The following NBEA variants were observed in gnomAD, a reference collection of about 807,000 sequenced individuals.
NBEA encodes the protein neurobeachin.
NBEA carries 44 observed loss-of-function variants against 343.4 expected under a neutral mutation model. That is an observed-to-expected ratio of 0.13 (90% confidence interval 0.10 to 0.16). The LOEUF (loss-of-function observed/expected upper bound fraction) is 0.16. Ranked by LOEUF, NBEA falls within the 10% of genes least tolerant of loss-of-function variation. The pLI, the probability that NBEA is intolerant of heterozygous loss-of-function variation, is 1.00. For missense variants in NBEA, 2,555 were observed against 3,631.3 expected (o/e 0.70, Z 7.62); for synonymous variants, 1,175 against 1,238.7 (o/e 0.95, Z 1.08).
intron 1 of NBEA, among the ~76,000 whole-genome samples, chr13:34,985,346 G>A (rs914865782): frequency 6.6e-6 from 1 of 151,050 alleles, no homozygotes; most frequent in Non-Finnish European, 1.5e-5. Flanking sequence ...TATGTTTATT[G>A]ATTTGCATAT....
chr13:35,608,720 G>T (rs2082385855), intron 48 of NBEA, among the ~76,000 whole-genome samples: 1 of 152,212 alleles, frequency 6.6e-6, no homozygotes, highest in Non-Finnish European at 1.5e-5. Flanking sequence ...GTAGCCAATA[G>T]TTGTTGGACC....
intron 38 of NBEA, among the ~76,000 whole-genome samples, chr13:35,413,663 T>C (rs9600709): frequency 0.024 from 3,664 of 152,240 alleles, 148 homozygotes; most frequent in African/African-American, 0.08. Flanking sequence ...AACATCATTA[T>C]ATCAATAGTA....
chr13:35,270,024 A>G (rs1457041933), intron 34 of NBEA, among the ~76,000 whole-genome samples: 1 of 152,176 alleles, frequency 6.6e-6, no homozygotes, highest in East Asian at 1.9e-4. Flanking sequence ...TTCAGTTATT[A>G]CTTGATTTTG....
At chr13:35,130,769 G>T (rs2152685073) in intron 17 of NBEA, among the ~76,000 whole-genome samples, 1 of 151,806 alleles carries the variant, frequency 6.6e-6, no homozygotes, top group South Asian at 2.1e-4. Flanking sequence ...GTAGGCTCAA[G>T]AAATTTAAAC....
At chr13:35,545,748 T>C (rs554879318) in intron 41 of NBEA, among the ~76,000 whole-genome samples, 1 of 152,260 alleles carries the variant, frequency 6.6e-6, no homozygotes, top group Admixed American at 6.5e-5. Context: ...ATCCTTTCAT[T>C]GTAAAGGTAG....
chr13:35,490,023 G>A (rs760390809), intron 41 of NBEA, among the ~76,000 whole-genome samples: 6 of 151,814 alleles, frequency 4.0e-5, no homozygotes, highest in Non-Finnish European at 7.4e-5. Flanking sequence ...GGCCTGTAAC[G>A]CTGTAAATCC....
intron 1 of NBEA, among the ~76,000 whole-genome samples, chr13:34,987,771 C>G (rs569701054): frequency 4.6e-4 from 69 of 150,944 alleles, no homozygotes; most frequent in African/African-American, 1.5e-3. Flanking sequence ...ATTCTTTTTT[C>G]CACTTGATCA....
intron 1 of NBEA, among the ~76,000 whole-genome samples, chr13:35,006,277 T>C (rs920699265): frequency 6.6e-6 from 1 of 152,118 alleles, no homozygotes; most frequent in Non-Finnish European, 1.5e-5. Flanking sequence ...TAAAAAATTA[T>C]TATTTTGCTA....
intron 35 of NBEA, among the ~76,000 whole-genome samples, chr13:35,292,098 A>T (rs2152819083): frequency 6.6e-6 from 1 of 151,976 alleles, no homozygotes; most frequent in African/African-American, 2.4e-5. Context: ...AATGCTTTCG[A>T]CTAAATATTT....
intron 17 of NBEA, among the ~76,000 whole-genome samples, chr13:35,136,595 GA>G (rs1264398145): frequency 6.6e-6 from 1 of 152,118 alleles, no homozygotes; most frequent in African/African-American, 2.4e-5. Flanking sequence ...TTCCTAAAAA[GA>G]AAATGGAAAA....
At chr13:35,432,465 C>T (rs2045182702) in intron 39 of NBEA, 72 bp downstream of exon 39, 3 of 1,342,346 alleles carry the variant, frequency 2.2e-6, no homozygotes, top group African/African-American at 1.5e-5. Context: ...AGAATTCCTT[C>T]TTTTTTTTTC....
intron 38 of NBEA, among the ~76,000 whole-genome samples, chr13:35,370,353 C>G (rs1247439153): frequency 1.3e-5 from 2 of 152,008 alleles, no homozygotes; most frequent in Non-Finnish European, 1.5e-5. Flanking sequence ...AGTATGGCTA[C>G]TCCTGCTTAT....
intron 41 of NBEA, among the ~76,000 whole-genome samples, chr13:35,526,093 G>A (rs1458044368): frequency 1.3e-5 from 2 of 152,100 alleles, no homozygotes; most frequent in African/African-American, 2.4e-5. Context: ...TGGTAAAATG[G>A]GGATACAAAT....
At chr13:35,059,381 CAT>C (rs2152567815) in intron 8 of NBEA, among the ~76,000 whole-genome samples, 1 of 151,830 alleles carries the variant, frequency 6.6e-6, no homozygotes, top group East Asian at 1.9e-4. Flanking sequence ...TGTAATTTAT[CAT>C]ATTCTTTTTG....
intron 41 of NBEA, among the ~76,000 whole-genome samples, chr13:35,534,677 A>G (rs554163200): frequency 6.6e-6 from 1 of 152,304 alleles, no homozygotes; most frequent in African/African-American, 2.4e-5. Context: ...TCAACAACCC[A>G]GTAAAATAGA....
chr13:34,947,004 T>C (rs1321596370), intron 1 of NBEA, among the ~76,000 whole-genome samples: 1 of 151,918 alleles, frequency 6.6e-6, no homozygotes, highest in Admixed American at 6.6e-5. Flanking sequence ...TTAAAAAATA[T>C]ACAGTTGCAT....
chr13:35,369,117 G>C (rs2041287121), intron 38 of NBEA, among the ~76,000 whole-genome samples: 1 of 126,336 alleles, frequency 7.9e-6, no homozygotes, highest in Admixed American at 7.5e-5. Context: ...TAGGAGTCCG[G>C]TTTCATGCTG....
At chr13:35,258,620 A>G (rs190952926) in intron 34 of NBEA, among the ~76,000 whole-genome samples, 3 of 152,208 alleles carry the variant, frequency 2.0e-5, no homozygotes, top group Admixed American at 6.5e-5. Context: ...ATAAGAAGTA[A>G]TAACATCATC....
At chr13:35,453,384 C>A (rs1231431333) in intron 40 of NBEA, among the ~76,000 whole-genome samples, 3 of 152,148 alleles carry the variant, frequency 2.0e-5, no homozygotes, top group Non-Finnish European at 4.4e-5. Flanking sequence ...AAGTCTGTGA[C>A]CAAATGTTTG....
Sources: gnomAD v4.1 joint callset for allele counts (sites outside exome capture counted in the v4.1 genomes callset) on GRCh38, gnomAD v4.1.1 for gene constraint, MANE v1.5 for transcripts, NCBI Gene and HGNC (gene_info 2026-07-23, HGNC 2026-07-21) for gene names.